The following PAX8 variants were observed in gnomAD, a reference collection of about 807,000 sequenced individuals.
PAX8 encodes the protein paired box protein Pax-8.
Under a neutral mutation model 52.4 loss-of-function variants are expected in PAX8, and 15 were observed. The ratio of observed to expected loss-of-function variants is 0.29; its 90% CI spans 0.19 to 0.44. The LOEUF (loss-of-function observed/expected upper bound fraction) is 0.44, where lower values mean the gene tolerates loss of function less well. Among genes scored for constraint, PAX8 ranks in the 20% least tolerant of loss-of-function variants. The pLI is 1.00. For synonymous variants in PAX8, 284 were observed against 249.7 expected, an observed-to-expected ratio of 1.14 and a Z score of -1.29; for missense variants, 554 against 602.5, an observed-to-expected ratio of 0.92 and a Z score of 0.84.
chr2:113,270,773 C>T (rs1693413065), intron 2 of PAX8: 1 of 152,124 alleles, frequency 6.6e-6, no homozygotes, highest in Admixed American at 6.6e-5. Flanking sequence ...CTAATTAGCA[C>T]TAACTACCCA....
At chr2:113,275,726 A>T (rs1169927332) in intron 2 of PAX8, 1 of 152,150 alleles carries the variant, frequency 6.6e-6, no homozygotes, top group African/African-American at 2.4e-5. Flanking sequence ...GCATCTTTGA[A>T]TTTTTTTAAA....
intron 9 of PAX8, among the ~76,000 whole-genome samples, chr2:113,234,008 G>C (rs375657883): frequency 3.3e-5 from 5 of 152,318 alleles, no homozygotes; most frequent in Admixed American, 3.3e-4. Context: ...TTTCAAGGTC[G>C]TCGGGGTAGG....
chr2:113,248,047 C>T (rs1691467230), intron 2 of PAX8, among the ~76,000 whole-genome samples: 1 of 152,182 alleles, frequency 6.6e-6, no homozygotes, highest in African/African-American at 2.4e-5. Flanking sequence ...GGGGAGAAAA[C>T]TGTTCCAGGC....
chr2:113,229,331 C>A (rs760767798), intron 9 of PAX8, among the ~76,000 whole-genome samples: 1 of 152,186 alleles, frequency 6.6e-6, no homozygotes, highest in Non-Finnish European at 1.5e-5. Context: ...ATGAGGTTAT[C>A]TGCATAATTC....
chr2:113,263,933 G>GA (rs908318773), intron 2 of PAX8, among the ~76,000 whole-genome samples: 9 of 150,154 alleles, frequency 6.0e-5, no homozygotes, highest in African/African-American at 2.0e-4. Context: ...GAAAGAAGAA[G>GA]AAAAAAAAGG....
intron 2 of PAX8, chr2:113,268,042 A>G (rs1173186746): frequency 6.6e-6 from 1 of 152,228 alleles, no homozygotes; most frequent in Non-Finnish European, 1.5e-5. Flanking sequence ...GCCTCCTGGA[A>G]TTTTGCACCT....
At chr2:113,235,738 A>G (rs1690237002) in intron 8 of PAX8, 156 bp from the exon 9 acceptor site, 1 of 599,272 alleles carries the variant, frequency 1.7e-6, no homozygotes, top group Non-Finnish European at 2.9e-6. Flanking sequence ...GGGGCCCACG[A>G]GGCGTGGCAA....
At chr2:113,263,543 A>G (rs965191140) in intron 2 of PAX8, 3 of 152,228 alleles carry the variant, frequency 2.0e-5, no homozygotes, top group Non-Finnish European at 2.9e-5. Context: ...CCCATGAGGT[A>G]GGTGGGGCTG....
chr2:113,249,762 A>C (rs1055945431), intron 2 of PAX8, among the ~76,000 whole-genome samples: 1 of 152,102 alleles, frequency 6.6e-6, no homozygotes, highest in Non-Finnish European at 1.5e-5. Flanking sequence ...CTGGCCCCTA[A>C]ACGGTGAATT....
In PAX8 at chr2:113,217,688, C is replaced by T. The variant is rs536050658; in HGVS notation, c.*845G>A. The T allele has an allele frequency of 6.6e-4, 154 of 232,006 alleles. 2 individuals are homozygous for T. Among genetic ancestry groups the T allele is most frequent in the South Asian group, 6.2e-3 (34 of 5,512 alleles). 14.4% of individuals were successfully genotyped at this position (232,006 alleles called of 1,614,324 possible). On this transcript the variant is annotated 3_prime_UTR_variant, in exon 12 of 12. Coordinates refer to ENST00000429538, the MANE Select transcript of PAX8 (RefSeq NM_003466.4). ...GGCAGGAGCTGTCAGGAAGGGGAAG[C>T]GGGTTTCCTGCGATTCTGCCTTGTT... is the stretch of plus-strand genomic sequence containing the variant.
Position 113,241,536 on chromosome 2 carries a change from G to GGCCC in PAX8, c.777+11_777+14dup. On this transcript the variant is annotated intron_variant, in intron 7 of 11. Coordinates refer to ENST00000429538, the MANE Select transcript of PAX8 (RefSeq NM_003466.4). The stretch of plus-strand genomic sequence containing the variant: ...CTTGCCCACCCTGTTCACCTCCCAG[G>GGCCC]GCCCAGCTTCTCACCTGCTCGCCTT... The GGCCC allele has an allele frequency of 1.3e-6, 2 of 1,595,688 alleles. No individual in the cohort carries two copies.
At chr2:113,270,060 T>G (rs1183950027) in intron 2 of PAX8, 1 of 152,208 alleles carries the variant, frequency 6.6e-6, no homozygotes, top group African/African-American at 2.4e-5. Flanking sequence ...AGCCAGCACT[T>G]TCTATGCGTC....
intron 2 of PAX8, chr2:113,269,886 A>AT (rs556229678): frequency 5.1e-4 from 78 of 152,380 alleles, no homozygotes; most frequent in African/African-American, 1.7e-3. Flanking sequence ...GACCAACTCT[A>AT]TTAAACCCTT....
chr2:113,278,920 C>G lies in PAX8; in HGVS notation c.-165G>C. On this transcript the variant is annotated 5_prime_UTR_variant, in exon 1 of 12. Coordinates refer to ENST00000429538, the MANE Select transcript of PAX8 (RefSeq NM_003466.4). ...TCTCTCCTCCTTCTGAAGTTTGTTC[C>G]CATCCACCCGGCATCACCGACCGGT... 1 of 1,043,164 alleles carries G rather than the reference C, an allele frequency of 9.6e-7. No homozygotes were observed. Among genetic ancestry groups the G allele is most frequent in the South Asian group, 4.5e-5 (1 of 22,352 alleles). The allele number at this position is 1,043,164 out of a possible 1,614,324, so 64.6% of individuals were successfully genotyped here.
intron 10 of PAX8, chr2:113,226,637 G>A: frequency 3.7e-6 from 4 of 1,090,232 alleles, no homozygotes; most frequent in Non-Finnish European, 4.5e-6. Flanking sequence ...AGAGAGATGT[G>A]AAGCATATAT....
chr2:113,262,672 A>G, intron 2 of PAX8, among the ~76,000 whole-genome samples: 1 of 152,206 alleles, frequency 6.6e-6, no homozygotes, highest in South Asian at 2.1e-4. Context: ...GCCTAATCCA[A>G]TATGATCAAG....
intron 2 of PAX8, among the ~76,000 whole-genome samples, chr2:113,260,161 G>A (rs1013286502): frequency 3.9e-5 from 6 of 152,194 alleles, no homozygotes; most frequent in Admixed American, 3.9e-4. Context: ...CTGAGTAGAA[G>A]ACAGTCCTTG....
chr2:113,227,349 T>C (rs1689643759), intron 9 of PAX8, 93 bp from the exon 10 acceptor site: 1 of 1,015,776 alleles, frequency 9.8e-7, no homozygotes, highest in Admixed American at 2.0e-5. Context: ...TCCATGCCAT[T>C]CCCACCCTCT....
intron 9 of PAX8, chr2:113,230,535 T>G (rs1364175327): frequency 6.6e-6 from 1 of 152,186 alleles, no homozygotes; most frequent in Non-Finnish European, 1.5e-5. Flanking sequence ...GTCTTCCCAA[T>G]GGGGTAGAGG....
Sources: gnomAD v4.1 joint callset for allele counts (sites outside exome capture counted in the v4.1 genomes callset) on GRCh38, gnomAD v4.1.1 for gene constraint, MANE v1.5 for transcripts, NCBI Gene and HGNC (gene_info 2026-07-23, HGNC 2026-07-21) for gene names.